IGFBP7: variants seen among roughly 807,000 people sequenced by gnomAD.
IGFBP7 encodes the protein insulin like growth factor binding protein 7, also known as insulin-like growth factor-binding protein 7.
A neutral mutation model predicts 29.4 loss-of-function variants in IGFBP7; 31 were observed. That is an observed-to-expected ratio of 1.05 (90% confidence interval 0.79 to 1.42). The LOEUF (loss-of-function observed/expected upper bound fraction) is 1.42. Ranked by LOEUF, IGFBP7 falls within the 40% of genes most tolerant of loss-of-function variation. IGFBP7 has a pLI of 0.00. For synonymous variants in IGFBP7, 172 were observed against 174.9 expected (o/e 0.98, Z 0.13); for missense variants, 393 against 395.5 (o/e 0.99, Z 0.05).
chr4:57,033,352 C>T, intron 2 of IGFBP7, 41 bp from the exon 3 acceptor site: 1 of 1,306,574 alleles, frequency 7.7e-7, no homozygotes. Context: ...TTTTGTACAC[C>T]AGATCATCTA....
chr4:57,063,673 T>G (rs946075549), intron 1 of IGFBP7, among the ~76,000 whole-genome samples: 3 of 152,226 alleles, frequency 2.0e-5, no homozygotes, highest in Admixed American at 2.0e-4. Flanking sequence ...TTGGAAAAGA[T>G]TCAAGTGCAG....
chr4:57,095,581 T>C (rs1725741394), intron 1 of IGFBP7, among the ~76,000 whole-genome samples: 1 of 152,174 alleles, frequency 6.6e-6, no homozygotes, highest in Non-Finnish European at 1.5e-5. Flanking sequence ...ACTTTACAGA[T>C]GAGAAAACTG....
In IGFBP7 at chr4:57,068,925, G is replaced by T. The variant is rs552852435; in HGVS notation, c.476-27992C>A. On this transcript the variant is annotated intron_variant, in intron 1 of 4. Transcript: ENST00000295666. ...AGCTAATTCTGTGAAGCTTTCCATGGCCACTTTTGGATGCAGGCCCCTTCT... is the reference window on the plus strand; with the variant it reads ...AGCTAATTCTGTGAAGCTTTCCATGTCCACTTTTGGATGCAGGCCCCTTCT... 1.6e-4 allele frequency among the ~76,000 whole-genome samples: 24 copies of T among 152,172 alleles called. 1 individual carries two copies. The South Asian group carries it at 2.9e-3, about 18-fold the overall frequency.
At chr4:57,038,011 G>A (rs575407821) in intron 2 of IGFBP7, among the ~76,000 whole-genome samples, 6 of 152,306 alleles carry the variant, frequency 3.9e-5, no homozygotes, top group East Asian at 1.9e-4. Flanking sequence ...ACTGATCGGG[G>A]TGAAATTTTA....
chr4:57,034,372 C>T (rs901231472), intron 2 of IGFBP7, among the ~76,000 whole-genome samples: 5 of 151,678 alleles, frequency 3.3e-5, no homozygotes, highest in African/African-American at 9.7e-5. Context: ...AAAGGATATA[C>T]GAATTGTTTG....
Position 57,049,392 on chromosome 4 carries a change from A to G in IGFBP7, c.476-8459T>C, listed in dbSNP as rs567561819. Among the ~76,000 whole-genome samples, 4 of 149,228 alleles carry G rather than the reference A, an allele frequency of 2.7e-5. No homozygotes were observed. The East Asian group carries it at 7.8e-4, about 29-fold the overall frequency. ...CCCATCATCTCTTCCATTTTTACCA[A>G]TTCACTCTTCTATGTCATTTCTACC... is the stretch of plus-strand genomic sequence containing the variant. On this transcript the variant is annotated intron_variant, in intron 1 of 4. Transcript: ENST00000295666.
At position 57,054,639 on chromosome 4, in the gene IGFBP7, CAAA is replaced by C. The variant is rs75161514; in HGVS notation, c.476-13709_476-13707del. Among the ~76,000 whole-genome samples the C allele has an allele frequency of 2.1e-3, 59 of 27,880 alleles. No homozygotes were observed. In the South Asian group the frequency reaches 0.047, roughly 22 times the overall value. 18.3% of individuals were successfully genotyped at this position (27,880 alleles called of 152,430 possible). On this transcript the variant is annotated intron_variant, in intron 1 of 4. Coordinates refer to ENST00000295666, the MANE Select transcript of IGFBP7 (RefSeq NM_001553.3). ...GGCGACAGAGCGAGGCTCTCTCTCACAAAAAAAAAAAAAAAAAAAAAAAAAAGA... is the reference window on the plus strand; with the variant it reads ...GGCGACAGAGCGAGGCTCTCTCTCACAAAAAAAAAAAAAAAAAAAAAAAGA...
intron 1 of IGFBP7, among the ~76,000 whole-genome samples, chr4:57,054,637 CACAAA>C (rs1724599885): frequency 7.9e-6 from 1 of 125,880 alleles, no homozygotes; most frequent in African/African-American, 3.1e-5. Flanking sequence ...GGCTCTCTCT[CACAAA>C]AAAAAAAAAA....
At chr4:57,088,226 T>C (rs1578644518) in intron 1 of IGFBP7, among the ~76,000 whole-genome samples, 3 of 152,130 alleles carry the variant, frequency 2.0e-5, no homozygotes, top group African/African-American at 7.2e-5. Flanking sequence ...TCTTCCTGCC[T>C]CAGCCTCCCA....
At chr4:57,049,950 T>C (rs530055599) in intron 1 of IGFBP7, among the ~76,000 whole-genome samples, 1 of 152,326 alleles carries the variant, frequency 6.6e-6, no homozygotes, top group African/African-American at 2.4e-5. Context: ...AAAGTGGTGT[T>C]ATAACTATCT....
chr4:57,049,817 A>T (rs1724459612), intron 1 of IGFBP7, among the ~76,000 whole-genome samples: 1 of 152,158 alleles, frequency 6.6e-6, no homozygotes, highest in African/African-American at 2.4e-5. Flanking sequence ...GGCTGTGTGA[A>T]GTGGGTATAG....
intron 1 of IGFBP7, among the ~76,000 whole-genome samples, chr4:57,103,587 A>G (rs1725949350): frequency 6.6e-6 from 1 of 151,402 alleles, no homozygotes. Context: ...ATTACCTCAT[A>G]CACTTTTTTG....
At chr4:57,104,990 C>T (rs1457550818) in intron 1 of IGFBP7, among the ~76,000 whole-genome samples, 1 of 152,188 alleles carries the variant, frequency 6.6e-6, no homozygotes, top group Admixed American at 6.5e-5. Flanking sequence ...AATTATTAGC[C>T]AGACACTGTG....
At chr4:57,062,440 C>A (rs1056293227) in intron 1 of IGFBP7, among the ~76,000 whole-genome samples, 6 of 152,020 alleles carry the variant, frequency 3.9e-5, no homozygotes, top group Non-Finnish European at 8.8e-5. Flanking sequence ...CTATTTGCAC[C>A]CGGTCTGAAA....
chr4:57,090,547 T>A (rs1298128517), intron 1 of IGFBP7, among the ~76,000 whole-genome samples: 4 of 152,138 alleles, frequency 2.6e-5, no homozygotes, highest in Non-Finnish European at 5.9e-5. Context: ...TTAGAAAACA[T>A]GTGAGAAGGC....
At chr4:57,109,251 C>T (rs981153544) in intron 1 of IGFBP7, among the ~76,000 whole-genome samples, 4 of 151,856 alleles carry the variant, frequency 2.6e-5, no homozygotes, top group African/African-American at 9.7e-5. Flanking sequence ...GAAACTCCGT[C>T]GCTATAAAAC....
At chr4:57,102,367 T>C (rs1406486786) in intron 1 of IGFBP7, among the ~76,000 whole-genome samples, 1 of 152,174 alleles carries the variant, frequency 6.6e-6, no homozygotes, top group Non-Finnish European at 1.5e-5. Flanking sequence ...CAAAGCTGTA[T>C]AGTTTAAGAG....
At chr4:57,091,435 C>G (rs1340869889) in intron 1 of IGFBP7, among the ~76,000 whole-genome samples, 1 of 152,200 alleles carries the variant, frequency 6.6e-6, no homozygotes, top group Non-Finnish European at 1.5e-5. Flanking sequence ...ATTCCTCATT[C>G]CAGCTTCATT....
chr4:57,097,005 G>C (rs1278697739), intron 1 of IGFBP7, among the ~76,000 whole-genome samples: 2 of 152,142 alleles, frequency 1.3e-5, no homozygotes, highest in African/African-American at 4.8e-5. Context: ...CATTAATTGT[G>C]CTCTTTTTCT....
Sources: allele counts gnomAD v4.1 joint callset (sites outside exome capture counted in the v4.1 genomes callset), GRCh38; gene constraint gnomAD v4.1.1; transcripts MANE v1.5; gene names NCBI Gene and HGNC (gene_info 2026-07-23, HGNC 2026-07-21).